The following FBXL13 variants were observed in gnomAD, a reference collection of about 807,000 sequenced individuals.
FBXL13 encodes F-box and leucine rich repeat protein 13.
A neutral mutation model predicts 83.6 loss-of-function variants in FBXL13; 67 were observed. The observed-to-expected ratio is 0.80, with a 90% CI of 0.66 to 0.98. The LOEUF (loss-of-function observed/expected upper bound fraction) is 0.98. FBXL13 is among the 50% of genes least tolerant of loss of function. The probability of loss-of-function intolerance (pLI) is 0.00; values close to 1 mark genes in which losing one functional copy is unlikely to be tolerated. For synonymous variants in FBXL13, 272 were observed against 299.5 expected, an observed-to-expected ratio of 0.91 and a Z score of 0.95; for missense variants, 822 against 866.5, an observed-to-expected ratio of 0.95 and a Z score of 0.64.
At chr7:102,906,579 T>A (rs1813786614) in intron 11 of FBXL13, among the ~76,000 whole-genome samples, 1 of 152,214 alleles carries the variant, frequency 6.6e-6, no homozygotes, top group Admixed American at 6.5e-5. Context: ...AAAGTATTTA[T>A]TTCTCCCTCA....
chr7:103,041,042 G>T (rs1295083397), intron 2 of FBXL13, among the ~76,000 whole-genome samples: 1 of 152,124 alleles, frequency 6.6e-6, no homozygotes, highest in Non-Finnish European at 1.5e-5. Flanking sequence ...CCAGGAGCTG[G>T]TTTTTTGAAA....
At chr7:102,998,750 T>A (rs1790081007) in intron 6 of FBXL13, among the ~76,000 whole-genome samples, 1 of 152,002 alleles carries the variant, frequency 6.6e-6, no homozygotes, top group Non-Finnish European at 1.5e-5. Context: ...GAGGATTGTT[T>A]GAGCCCAGGA....
At chr7:102,929,234 G>C (rs1195777722) in intron 9 of FBXL13, among the ~76,000 whole-genome samples, 1 of 152,170 alleles carries the variant, frequency 6.6e-6, no homozygotes, top group Non-Finnish European at 1.5e-5. Flanking sequence ...ATTTCATGGG[G>C]AAAAATTACT....
intron 5 of FBXL13, among the ~76,000 whole-genome samples, chr7:103,027,212 C>T (rs574899553): frequency 1.3e-5 from 2 of 152,146 alleles, no homozygotes; most frequent in South Asian, 4.1e-4. Context: ...AGGAGAAATG[C>T]TTGAACCTGG....
At chr7:102,897,232 G>C (rs1414565285) in intron 11 of FBXL13, among the ~76,000 whole-genome samples, 1 of 151,946 alleles carries the variant, frequency 6.6e-6, no homozygotes, top group Non-Finnish European at 1.5e-5. Context: ...CATGAGACAA[G>C]ATGAGATCAT....
intron 17 of FBXL13, among the ~76,000 whole-genome samples, chr7:102,849,609 C>T (rs1320119444): frequency 6.6e-6 from 1 of 152,176 alleles, no homozygotes; most frequent in African/African-American, 2.4e-5. Flanking sequence ...TCAATTTACT[C>T]ACTTTATTTT....
At position 102,961,992 on chromosome 7, in the gene FBXL13, T is replaced by G. The variant is rs546776697; in HGVS notation, c.724+1541A>C. On this transcript the variant is annotated intron_variant, in intron 8 of 19. Coordinates refer to ENST00000313221, the Ensembl canonical transcript of FBXL13. ...AAAGACAAAATTGACAAATGGGATC[T>G]AATTAAACTAAAGAGCTTCTGCACA... 2.7e-5 allele frequency among the ~76,000 whole-genome samples: 4 copies of G among 150,028 alleles called. No individual in the cohort carries two copies. In the South Asian group the frequency reaches 8.4e-4, roughly 32 times the overall value.
chr7:103,018,376 AATTGGAAAAACC>A (rs1189558128), intron 6 of FBXL13, among the ~76,000 whole-genome samples: 1 of 152,224 alleles, frequency 6.6e-6, no homozygotes, highest in Non-Finnish European at 1.5e-5. Flanking sequence ...AAACATGCCA[AATTGGAAAAACC>A]ATCGATGTTA....
At chr7:102,891,144 T>C (rs960272385) in intron 11 of FBXL13, among the ~76,000 whole-genome samples, 1 of 152,202 alleles carries the variant, frequency 6.6e-6, no homozygotes, top group African/African-American at 2.4e-5. Flanking sequence ...GACTCTCAAA[T>C]ACCATGTCCT....
chr7:102,968,687 A>T (rs975069023), intron 6 of FBXL13, among the ~76,000 whole-genome samples: 1 of 152,364 alleles, frequency 6.6e-6, no homozygotes, highest in South Asian at 2.1e-4. Context: ...AACATAATTC[A>T]GTTGTCAAGA....
At chr7:103,039,214 G>C (rs1249640105) in intron 2 of FBXL13, among the ~76,000 whole-genome samples, 1 of 152,128 alleles carries the variant, frequency 6.6e-6, no homozygotes, top group East Asian at 1.9e-4. Context: ...GTGGAAGAAA[G>C]GATATCAGTG....
intron 8 of FBXL13, among the ~76,000 whole-genome samples, chr7:102,962,139 GA>G (rs1201126333): frequency 1.3e-5 from 2 of 150,762 alleles, no homozygotes; most frequent in African/African-American, 2.5e-5. Flanking sequence ...AAATTTACAA[GA>G]AAAAAACAAA....
chr7:103,007,391 C>T (rs1056021729), intron 6 of FBXL13, among the ~76,000 whole-genome samples: 19 of 151,824 alleles, frequency 1.3e-4, no homozygotes, highest in African/African-American at 4.3e-4. Context: ...AAAAATTTAG[C>T]CCCTAACTGA....
intron 6 of FBXL13, chr7:102,975,809 C>T: frequency 3.3e-6 from 2 of 606,916 alleles, no homozygotes; most frequent in Non-Finnish European, 5.9e-6. Context: ...CTTAATTTAG[C>T]CTTCAAAGTC....
Position 103,054,415 on chromosome 7 carries a change from GA to G in FBXL13, c.-1+1228del, listed in dbSNP as rs1198446265. On this transcript the variant is annotated intron_variant, in intron 2 of 19. Transcript: ENST00000313221. Reference sequence around the variant, plus strand: ...GAAAAAAAAAAAAAAAAAAGAGAGAGAGTTATCACACATGGTTCCACACATA... The same window carrying G: ...GAAAAAAAAAAAAAAAAAAGAGAGAGGTTATCACACATGGTTCCACACATA... Among the ~76,000 whole-genome samples the G allele has an allele frequency of 1.7e-4, 26 of 150,434 alleles. 1 individual carries two copies. Among genetic ancestry groups the G allele is most frequent in the African/African-American group, 6.4e-4 (26 of 40,828 alleles).
At chr7:103,051,026 T>C (rs1424436643) in intron 2 of FBXL13, among the ~76,000 whole-genome samples, 2 of 151,270 alleles carry the variant, frequency 1.3e-5, no homozygotes, top group Non-Finnish European at 3.0e-5. Context: ...TAAGATTTTG[T>C]CATTTCTCTA....
At chr7:102,955,333 T>G (rs1447084166) in intron 8 of FBXL13, among the ~76,000 whole-genome samples, 1 of 152,120 alleles carries the variant, frequency 6.6e-6, no homozygotes, top group Non-Finnish European at 1.5e-5. Context: ...AAACATGTTC[T>G]TTGAAGCCAA....
At chr7:103,014,282 G>A (rs1791988722) in intron 6 of FBXL13, among the ~76,000 whole-genome samples, 1 of 152,100 alleles carries the variant, frequency 6.6e-6, no homozygotes, top group Non-Finnish European at 1.5e-5. Context: ...TTGAGTCTGG[G>A]AGGTTGAGGC....
intron 3 of FBXL13, among the ~76,000 whole-genome samples, chr7:103,029,035 T>C (rs1285730641): frequency 6.6e-6 from 1 of 152,092 alleles, no homozygotes; most frequent in Admixed American, 6.6e-5. Context: ...AATGATGTCT[T>C]TTTTTAAAAG....
Sources: allele counts gnomAD v4.1 joint callset (sites outside exome capture counted in the v4.1 genomes callset), GRCh38; gene constraint gnomAD v4.1.1; transcripts MANE v1.5; gene names NCBI Gene and HGNC (gene_info 2026-07-23, HGNC 2026-07-21).